Variants in CR1 observed in about 807,000 individuals in gnomAD.
CR1 encodes the protein complement receptor type 1.
Under a neutral mutation model 187.3 loss-of-function variants are expected in CR1, and 116 were observed. The observed-to-expected ratio is 0.62, with a 90% CI of 0.53 to 0.72. The LOEUF (loss-of-function observed/expected upper bound fraction) is 0.72. Ranked by LOEUF, CR1 falls within the 30% of genes least tolerant of loss-of-function variation. The pLI, the probability that CR1 is intolerant of heterozygous loss-of-function variation, is 0.00. For synonymous variants in CR1, 576 were observed against 747.1 expected, an observed-to-expected ratio of 0.77 and a Z score of 3.73; for missense variants, 1,731 against 2,110.7, an observed-to-expected ratio of 0.82 and a Z score of 3.52.
At chr1:207,524,560 A>T (rs1421623518) in intron 5 of CR1, among the ~76,000 whole-genome samples, 1 of 151,858 alleles carries the variant, frequency 6.6e-6, no homozygotes, top group African/African-American at 2.4e-5. Context: ...AGTTTTTTAT[A>T]TATTTTTTGT....
intron 1 of CR1, among the ~76,000 whole-genome samples, chr1:207,499,403 T>C (rs182129353): frequency 6.6e-6 from 1 of 152,334 alleles, no homozygotes; most frequent in Non-Finnish European, 1.5e-5. Flanking sequence ...TTTACTATCA[T>C]AGTTGGAGAC....
intron 4 of CR1, among the ~76,000 whole-genome samples, chr1:207,518,725 GTC>G (rs1406408880): frequency 6.6e-6 from 1 of 152,126 alleles, no homozygotes; most frequent in African/African-American, 2.4e-5. Context: ...CTCTGTGTGT[GTC>G]CTTTGCTCTT....
chr1:207,575,815 A>C lies in CR1; in HGVS notation c.4537+135A>C. ...ATTTGAAGAATCTAGTCATATCCTTAAAATGGCTCACAGCATTCCAAACTT... is the reference window on the plus strand; with the variant it reads ...ATTTGAAGAATCTAGTCATATCCTTCAAATGGCTCACAGCATTCCAAACTT... On this transcript the variant is annotated intron_variant, in intron 28 of 46. Transcript: ENST00000367049. The C allele has an allele frequency of 3.6e-5, 51 of 1,406,580 alleles. 1 individual carries two copies. The South Asian group carries it at 5.4e-4, about 15-fold the overall frequency. 87.1% of individuals were successfully genotyped at this position (1,406,580 alleles called of 1,614,324 possible). A position where few individuals can be genotyped will look rare whatever the true frequency, so the allele number is the denominator to read the frequency against.
In CR1 at chr1:207,640,561, T is replaced by C. The variant is rs748655062; in HGVS notation, c.*1152T>C. ...AAGTACTAGCTTACTTTTGTATGGATTCAGAATATACTAAATTAACTTTTT... is the reference window on the plus strand; with the variant it reads ...AAGTACTAGCTTACTTTTGTATGGACTCAGAATATACTAAATTAACTTTTT... On this transcript the variant is annotated 3_prime_UTR_variant, in exon 47 of 47. Transcript: ENST00000367049. The C allele has an allele frequency of 6.6e-6, 1 of 152,262 alleles. No individual in the cohort carries two copies. The allele number at this position is 152,262 out of a possible 1,614,324, so 9.4% of individuals were successfully genotyped here. A position where few individuals can be genotyped will look rare whatever the true frequency, so the allele number is the denominator to read the frequency against.
At chr1:207,504,444 A>G (rs1007666250) in intron 1 of CR1, among the ~76,000 whole-genome samples, 2 of 152,166 alleles carry the variant, frequency 1.3e-5, no homozygotes, top group African/African-American at 4.8e-5. Flanking sequence ...TAAAAGATGG[A>G]CAACATTATA....
intron 4 of CR1, among the ~76,000 whole-genome samples, chr1:207,521,624 CTTTTTTT>C (rs139203101): frequency 6.8e-5 from 6 of 88,302 alleles, no homozygotes; most frequent in Non-Finnish European, 1.1e-4. Context: ...TGCCCTCTTC[CTTTTTTT>C]TTTTTTTTTT....
At chr1:207,625,142 C>A (rs1229783416) in intron 45 of CR1, among the ~76,000 whole-genome samples, 1 of 152,176 alleles carries the variant, frequency 6.6e-6, no homozygotes, top group African/African-American at 2.4e-5. Flanking sequence ...GACTCAATAA[C>A]CATTTCATAA....
At chr1:207,590,831 AC>A (rs1425445682) in intron 35 of CR1, among the ~76,000 whole-genome samples, 2 of 152,206 alleles carry the variant, frequency 1.3e-5, no homozygotes, top group Non-Finnish European at 2.9e-5. Context: ...GATAAAACAT[AC>A]TTTAAACCAA....
chr1:207,514,376 T>C (rs1659719621), intron 4 of CR1, among the ~76,000 whole-genome samples: 1 of 152,076 alleles, frequency 6.6e-6, no homozygotes, highest in Non-Finnish European at 1.5e-5. Context: ...CCACCCCAAA[T>C]CCATATGTTG....
At chr1:207,566,874 A>G (rs1660515837) in intron 24 of CR1, among the ~76,000 whole-genome samples, 1 of 150,298 alleles carries the variant, frequency 6.7e-6, no homozygotes, top group Admixed American at 6.6e-5. Flanking sequence ...TTATGTTGTT[A>G]GAAATATACT....
chr1:207,588,532 T>C (rs1049960086), intron 34 of CR1, 143 bp from the exon 35 acceptor site: 8 of 643,762 alleles, frequency 1.2e-5, no homozygotes, highest in Non-Finnish European at 1.7e-5. Context: ...ATTCTGAAGT[T>C]GTCTGCCAAG....
intron 3 of CR1, among the ~76,000 whole-genome samples, chr1:207,509,678 A>G (rs928517950): frequency 3.9e-5 from 6 of 152,300 alleles, no homozygotes; most frequent in Admixed American, 2.0e-4. Context: ...CACCATTCCT[A>G]TCCCAACCCC....
chr1:207,588,817 G>C, intron 35 of CR1, 43 bp downstream of exon 35: 1 of 1,385,328 alleles, frequency 7.2e-7, no homozygotes, highest in Non-Finnish European at 1.0e-6. Flanking sequence ...TTCCAGAACA[G>C]CAGAGCCAAC....
Position 207,622,989 on chromosome 1 carries a change from C to G in CR1, c.7277-4C>G. 6.4e-7 allele frequency: 1 copy of G among 1,564,538 alleles called. No individual in the cohort carries two copies. The highest frequency in any genetic ancestry group is 2.3e-5 in the East Asian group (1 of 43,616). On this transcript the variant is annotated splice_region_variant and splice_polypyrimidine_tract_variant and intron_variant, in intron 44 of 46. Coordinates refer to ENST00000367049, the MANE Select transcript of CR1 (RefSeq NM_000651.6). Reference sequence around the variant, plus strand: ...GCATTTAATTACCTTGTTTTACTGCCTAGGCACTTTATCTGGTACGATCTT... The same window carrying G: ...GCATTTAATTACCTTGTTTTACTGCGTAGGCACTTTATCTGGTACGATCTT...
intron 42 of CR1, 118 bp downstream of exon 42, chr1:207,618,365 G>A (rs1662211625): frequency 1.1e-6 from 1 of 895,592 alleles, no homozygotes; most frequent in Admixed American, 2.6e-5. Context: ...TTTCTTCTCG[G>A]CAACTGCTTT....
In CR1 at chr1:207,627,856, T is replaced by G. The variant is rs1377581528; in HGVS notation, c.7353-2661T>G. Among the ~76,000 whole-genome samples the G allele has an allele frequency of 2.0e-5, 3 of 152,184 alleles. No homozygotes were observed. The East Asian group carries it at 5.8e-4, about 29-fold the overall frequency. On this transcript the variant is annotated intron_variant, in intron 45 of 46. Transcript: ENST00000367049. Reference sequence around the variant, plus strand: ...AATTCAGTGTCTGGTGGGGATCGCTTTCTAGTTAATAGACTTCAATCTTTT... The same window carrying G: ...AATTCAGTGTCTGGTGGGGATCGCTGTCTAGTTAATAGACTTCAATCTTTT...
chr1:207,526,667 T>A, intron 5 of CR1, 86 bp from the exon 6 acceptor site: 2 of 1,398,736 alleles, frequency 1.4e-6, no homozygotes, highest in South Asian at 1.6e-5. Context: ...TATATAGATT[T>A]GTAATTATTA....
At chr1:207,498,969 G>GAGA (rs1659184065) in intron 1 of CR1, among the ~76,000 whole-genome samples, 1 of 146,404 alleles carries the variant, frequency 6.8e-6, no homozygotes, top group Non-Finnish European at 1.5e-5. Context: ...CAGAGAACAA[G>GAGA]AGAAAAAAAG....
chr1:207,603,577 A>G (rs986825912), intron 35 of CR1, among the ~76,000 whole-genome samples: 12 of 152,164 alleles, frequency 7.9e-5, no homozygotes, highest in African/African-American at 2.7e-4. Flanking sequence ...GATGAGTAAG[A>G]TTTTAACAGC....
Sources: allele counts gnomAD v4.1 joint callset (sites outside exome capture counted in the v4.1 genomes callset), GRCh38; gene constraint gnomAD v4.1.1; transcripts MANE v1.5; gene names NCBI Gene and HGNC (gene_info 2026-07-23, HGNC 2026-07-21).